Variants in WFDC3 observed in about 807,000 individuals in gnomAD.
WFDC3 encodes the protein WAP four-disulfide core domain protein 3.
Under a neutral mutation model 25.8 loss-of-function variants are expected in WFDC3, and 15 were observed. The ratio of observed to expected loss-of-function variants is 0.58; its 90% CI spans 0.39 to 0.89. The LOEUF (loss-of-function observed/expected upper bound fraction) is 0.89. Ranked by LOEUF, WFDC3 falls within the 40% of genes least tolerant of loss-of-function variation. The probability of loss-of-function intolerance (pLI) is 0.00; values close to 1 mark genes in which losing one functional copy is unlikely to be tolerated. For synonymous variants in WFDC3, 103 were observed against 107.1 expected (o/e 0.96, Z 0.24); for missense variants, 264 against 289.8 (o/e 0.91, Z 0.65).
chr20:45,789,299 G>A (rs34959201), intron 2 of WFDC3, among the ~76,000 whole-genome samples: 78,094 of 151,016 alleles, frequency 0.52, 21,185 homozygotes, highest in Non-Finnish European at 0.61. Flanking sequence ...GAGGTCAGGA[G>A]ATCGAGATCA....
chr20:45,788,731 C>T (rs529874303), intron 3 of WFDC3, 200 bp downstream of exon 3: 11 of 597,798 alleles, frequency 1.8e-5, no homozygotes, highest in South Asian at 8.4e-5. Flanking sequence ...ATCAATGGTG[C>T]GCTCTTTCCT....
At chr20:45,777,039 A>G (rs752679773) in intron 5 of WFDC3, 36 bp downstream of exon 5, 1 of 1,611,250 alleles carries the variant, frequency 6.2e-7, no homozygotes, top group Non-Finnish European at 8.5e-7. Flanking sequence ...TTCTCAGGAA[A>G]CACTCAAGGA....
At chr20:45,786,872 A>G (rs567342304) in intron 4 of WFDC3, among the ~76,000 whole-genome samples, 2 of 152,168 alleles carry the variant, frequency 1.3e-5, no homozygotes, top group South Asian at 2.1e-4. Flanking sequence ...AGGTGGGTGG[A>G]TCACGAGGTC....
chr20:45,779,483 T>C (rs1381443022), intron 4 of WFDC3, among the ~76,000 whole-genome samples: 1 of 152,190 alleles, frequency 6.6e-6, no homozygotes, highest in East Asian at 1.9e-4. Context: ...AAATATCCTG[T>C]GCTACTGTGA....
At chr20:45,779,505 A>G (rs1422424969) in intron 4 of WFDC3, among the ~76,000 whole-genome samples, 2 of 152,102 alleles carry the variant, frequency 1.3e-5, no homozygotes, top group Non-Finnish European at 2.9e-5. Context: ...ATCACATCAA[A>G]ACTATGTGTC....
chr20:45,787,714 C>CTTTTTTTTTTT, intron 4 of WFDC3, 122 bp downstream of exon 4: 1 of 1,025,246 alleles, frequency 9.8e-7, no homozygotes, highest in Non-Finnish European at 1.3e-6. Context: ...CTTTGTATAT[C>CTTTTTTTTTTT]TTTTTTTTTT....
intron 4 of WFDC3, among the ~76,000 whole-genome samples, chr20:45,786,279 A>G (rs1980663249): frequency 6.6e-6 from 1 of 152,056 alleles, no homozygotes; most frequent in African/African-American, 2.4e-5. Flanking sequence ...AATCCCAGCT[A>G]CTCGGGAGGC....
intron 4 of WFDC3, among the ~76,000 whole-genome samples, chr20:45,777,458 C>T (rs1201497457): frequency 3.3e-5 from 5 of 152,148 alleles, no homozygotes; most frequent in African/African-American, 1.2e-4. Flanking sequence ...TCAAGGGATC[C>T]TCCCACCTCA....
chr20:45,791,552 C>G (rs1463345062), intron 1 of WFDC3, among the ~76,000 whole-genome samples: 2 of 152,202 alleles, frequency 1.3e-5, no homozygotes, highest in African/African-American at 2.4e-5. Context: ...CCGCCTCGGC[C>G]TCCCAAAGTG....
Position 45,791,396 on chromosome 20 carries a change from AAG to A in WFDC3, c.-8+434_-8+435del, listed in dbSNP as rs1348092354. On this transcript the variant is annotated intron_variant, in intron 1 of 6. Coordinates refer to ENST00000243938, the MANE Select transcript of WFDC3 (RefSeq NM_080614.2). ...ACTGCAACCTCCGCCTCCTGGGTTC[AAG>A]AGACTCTCCTGCCTCAGCCTCCCGA... is the stretch of plus-strand genomic sequence containing the variant. Among the ~76,000 whole-genome samples the A allele has an allele frequency of 1.1e-4, 17 of 149,382 alleles. No individual in the cohort carries two copies. The South Asian group carries it at 2.7e-3, about 24-fold the overall frequency.
chr20:45,784,484 G>A (rs1010310890), intron 4 of WFDC3, among the ~76,000 whole-genome samples: 8 of 152,254 alleles, frequency 5.3e-5, no homozygotes. Context: ...GCTCACACCT[G>A]TAATCCCAGC....
chr20:45,781,085 C>A (rs112921409), intron 4 of WFDC3, among the ~76,000 whole-genome samples: 42,855 of 105,734 alleles, frequency 0.41, 7,900 homozygotes, highest in Non-Finnish European at 0.52. Context: ...ACTAAAAATA[C>A]AAAAAAAAAA....
intron 4 of WFDC3, among the ~76,000 whole-genome samples, chr20:45,779,422 C>A (rs1200885755): frequency 6.6e-6 from 1 of 152,146 alleles, no homozygotes; most frequent in Non-Finnish European, 1.5e-5. Context: ...GCTAAACAAC[C>A]CAGGCGTAGT....
rs745367366 is a variant in WFDC3, at chr20:45,789,903, C to T, written c.73G>A (p.Gly25Arg). ...CCAAATGATAGCTCACCATGTTCTCCTGCAGTTATCCAGGATTCCAGAGAC... is the reference window on the plus strand; with the variant it reads ...CCAAATGATAGCTCACCATGTTCTCTTGCAGTTATCCAGGATTCCAGAGAC... ...LGSLESWITA[G>R]EHAKEGECPP... The change falls in exon 2 of 7, where the codon GGA (glycine) becomes AGA (arginine). Residue 25 changes from glycine to arginine, a missense_variant. By Grantham distance (125) the Gly-to-Arg change is moderately radical. Transcript: ENST00000243938. The T allele has an allele frequency of 6.2e-7, 1 of 1,613,974 alleles. No homozygotes were observed. Among genetic ancestry groups the T allele is most frequent in the South Asian group, 1.1e-5 (1 of 91,064 alleles).
chr20:45,774,848 A>G (rs1297791217), intron 6 of WFDC3, among the ~76,000 whole-genome samples: 1 of 151,108 alleles, frequency 6.6e-6, no homozygotes, highest in Non-Finnish European at 1.5e-5. Flanking sequence ...AGGCTGAGGC[A>G]GGAGAATTGC....
At chr20:45,777,300 ATATT>A in intron 4 of WFDC3, 91 bp from the exon 5 acceptor site, 3 of 1,201,458 alleles carry the variant, frequency 2.5e-6, no homozygotes, top group African/African-American at 1.6e-5. Context: ...ATATAGTTAT[ATATT>A]TATATACATA....
intron 4 of WFDC3, among the ~76,000 whole-genome samples, chr20:45,782,231 A>C (rs1209773056): frequency 3.3e-5 from 5 of 151,290 alleles, no homozygotes; most frequent in Non-Finnish European, 5.9e-5. Context: ...AATATCTACC[A>C]CCCTTCTTGA....
chr20:45,788,180 G>A, intron 3 of WFDC3, 198 bp from the exon 4 acceptor site: 1 of 408,274 alleles, frequency 2.4e-6, no homozygotes, highest in South Asian at 3.2e-5. Flanking sequence ...GCACATGCCT[G>A]TAAATCCCAG....
chr20:45,776,106 C>T (rs888211627), intron 5 of WFDC3, among the ~76,000 whole-genome samples: 3 of 152,138 alleles, frequency 2.0e-5, no homozygotes, highest in Admixed American at 6.5e-5. Context: ...AAGCTACATA[C>T]GGACAAGAGT....
Sources: gnomAD v4.1 joint callset for allele counts (sites outside exome capture counted in the v4.1 genomes callset) on GRCh38, gnomAD v4.1.1 for gene constraint, MANE v1.5 for transcripts, NCBI Gene and HGNC (gene_info 2026-07-23, HGNC 2026-07-21) for gene names.